Variants in PEMT observed in about 807,000 individuals in gnomAD.
The protein encoded by PEMT is phospholipid methyltransferase.
A neutral mutation model predicts 27.4 loss-of-function variants in PEMT; 23 were observed. That is an observed-to-expected ratio of 0.84 (90% CI 0.60 to 1.19). The LOEUF (loss-of-function observed/expected upper bound fraction) is 1.19, where lower values mean the gene tolerates loss of function less well. PEMT is among the 50% of genes most tolerant of loss of function. PEMT has a pLI of 0.00. For synonymous variants in PEMT, 137 were observed against 139.1 expected (o/e 0.98, Z 0.11); for missense variants, 307 against 310.1 (o/e 0.99, Z 0.07).
intron 2 of PEMT, among the ~76,000 whole-genome samples, chr17:17,527,829 G>A (rs917072002): frequency 2.0e-5 from 3 of 152,234 alleles, no homozygotes; most frequent in African/African-American, 4.8e-5. Context: ...TGGGCTCGCC[G>A]GCTGCCAGGC....
rs564840602 is a variant in PEMT, at chr17:17,556,499, G to A, written c.204+20421C>T. Among the ~76,000 whole-genome samples the A allele has an allele frequency of 4.0e-5, 6 of 151,872 alleles. No homozygotes were observed. In the East Asian group the frequency reaches 7.7e-4, roughly 20 times the overall value. ...AGAGGTTCCCCTGCCTCAGCCTCCC[G>A]AGTAGCTGGGATTACAGGCACGTGC... On this transcript the variant is annotated intron_variant, in intron 2 of 6. Transcript: ENST00000255389.
chr17:17,571,024 G>A (rs1484750470), intron 2 of PEMT: 1 of 451,040 alleles, frequency 2.2e-6, no homozygotes, highest in Non-Finnish European at 2.9e-6. Context: ...CCAAGGTCCT[G>A]AAGCCCTGAG....
chr17:17,549,619 AT>A (rs1288784785), intron 2 of PEMT, among the ~76,000 whole-genome samples: 1 of 152,196 alleles, frequency 6.6e-6, no homozygotes, highest in African/African-American at 2.4e-5. Context: ...CAACCGTGGC[AT>A]TTTTTACCTT....
intron 2 of PEMT, among the ~76,000 whole-genome samples, chr17:17,558,145 C>T (rs1337198984): frequency 2.6e-5 from 4 of 151,900 alleles, no homozygotes; most frequent in Non-Finnish European, 5.9e-5. Context: ...AGTTTGAGAC[C>T]AGCCTGGGCA....
rs771802059 is a variant in PEMT at position 17,509,485 on chromosome 17, TC to T, written c.526del (p.Asp176ThrfsTer27). ...TGTGCTTCCCCAGTACATGGGGTTG[TC>T]CAGGATGTTGAAGGGGAACACGGTC... is the stretch of plus-strand genomic sequence containing the variant. ...RVTVFPFNIL[D>X]NPMYWGSTAN... On this transcript the variant is annotated frameshift_variant, in exon 5 of 7. Transcript: ENST00000255389. LOFTEE classifies it high-confidence loss of function. 4 of 1,614,016 alleles carry T rather than the reference TC, an allele frequency of 2.5e-6. No individual in the cohort carries two copies. The highest frequency in any genetic ancestry group is 3.4e-6 in the Non-Finnish European group (4 of 1,179,900).
chr17:17,509,547 T>C lies in PEMT; in HGVS notation c.467-2A>G. On this transcript the variant is annotated splice_acceptor_variant, in intron 4 of 6. Coordinates refer to ENST00000255389, the MANE Select transcript of PEMT (RefSeq NM_148172.3). LOFTEE classifies it high-confidence loss of function. ...CCTTGAGGATCCCGAAGTAATCACC[T>C]GTGGATGAGGCAAGGCAGGGTCCCT... 6.2e-7 allele frequency: 1 copy of C among 1,601,754 alleles called. No homozygotes were observed. Among genetic ancestry groups the C allele is most frequent in the Non-Finnish European group, 8.6e-7 (1 of 1,168,760 alleles).
At chr17:17,581,330 C>T (rs1911965660) in intron 1 of PEMT, among the ~76,000 whole-genome samples, 2 of 152,186 alleles carry the variant, frequency 1.3e-5, no homozygotes, top group African/African-American at 4.8e-5. Flanking sequence ...TCTGGCCATA[C>T]TCTCAGCCAC....
intron 2 of PEMT, among the ~76,000 whole-genome samples, chr17:17,541,132 C>T (rs116028477): frequency 7.2e-5 from 11 of 152,318 alleles, no homozygotes; most frequent in African/African-American, 1.7e-4. Context: ...TTGTTGCTGA[C>T]GTTAGCAGAA....
chr17:17,581,830 G>A (rs1207456381), intron 1 of PEMT, among the ~76,000 whole-genome samples: 1 of 152,146 alleles, frequency 6.6e-6, no homozygotes, highest in African/African-American at 2.4e-5. Flanking sequence ...CTGCTTCGCT[G>A]GAAAGAATGA....
rs1907355151 is a variant in PEMT at position 17,522,529 on chromosome 17, C to A, written c.205-134G>T. The stretch of plus-strand genomic sequence containing the variant: ...CCAAAGAAGAAGAATTACACGGGAG[C>A]AACAACCACATGCACCCCAGCTGCA... On this transcript the variant is annotated intron_variant, in intron 2 of 6. Transcript: ENST00000255389. 6.1e-6 allele frequency: 4 copies of A among 652,558 alleles called. No individual in the cohort carries two copies. In the South Asian group the frequency reaches 7.2e-5, roughly 12 times the overall value. The allele number at this position is 652,558 out of a possible 1,614,324, so 40.4% of individuals were successfully genotyped here. A position where few individuals can be genotyped will look rare whatever the true frequency, so the allele number is the denominator to read the frequency against.
intron 2 of PEMT, among the ~76,000 whole-genome samples, chr17:17,567,825 G>C (rs1364482632): frequency 6.6e-6 from 1 of 152,244 alleles, no homozygotes; most frequent in Non-Finnish European, 1.5e-5. Context: ...TGTGCCACAG[G>C]CTCCGCCAGT....
At chr17:17,587,452 G>A (rs965819314) in intron 1 of PEMT, among the ~76,000 whole-genome samples, 4 of 152,058 alleles carry the variant, frequency 2.6e-5, no homozygotes, top group Non-Finnish European at 5.9e-5. Context: ...GAGCCCAGAT[G>A]GTTTCCTGGA....
chr17:17,526,503 A>T (rs1400007292), intron 2 of PEMT, among the ~76,000 whole-genome samples: 1 of 152,244 alleles, frequency 6.6e-6, no homozygotes, highest in Non-Finnish European at 1.5e-5. Context: ...AAAGGCTCCT[A>T]GCCCTGGCAT....
At chr17:17,590,159 T>A (rs1211153587) in intron 1 of PEMT, among the ~76,000 whole-genome samples, 2 of 152,100 alleles carry the variant, frequency 1.3e-5, no homozygotes, top group African/African-American at 4.8e-5. Context: ...CAGGTTCACC[T>A]GGTGAAAATG....
intron 2 of PEMT, among the ~76,000 whole-genome samples, chr17:17,563,164 C>G (rs1910606772): frequency 6.6e-6 from 1 of 152,014 alleles, no homozygotes; most frequent in Admixed American, 6.5e-5. Context: ...GCCTGAGGAG[C>G]CGGCAGACTA....
chr17:17,557,865 T>TC (rs1380844876), intron 2 of PEMT, among the ~76,000 whole-genome samples: 3 of 152,002 alleles, frequency 2.0e-5, no homozygotes, highest in Non-Finnish European at 4.4e-5. Flanking sequence ...GGCCTCACCC[T>TC]CCCCAGGGTT....
intron 1 of PEMT, among the ~76,000 whole-genome samples, chr17:17,587,808 G>C (rs145576234): frequency 6.6e-6 from 1 of 152,144 alleles, no homozygotes; most frequent in East Asian, 1.9e-4. Context: ...CTCGGGAGGC[G>C]GAGGTTGCAA....
At chr17:17,526,285 T>C (rs141142979) in intron 2 of PEMT, among the ~76,000 whole-genome samples, 1 of 150,988 alleles carries the variant, frequency 6.6e-6, no homozygotes, top group East Asian at 1.9e-4. Flanking sequence ...GCAAGTGGAG[T>C]GGGAGGAAAA....
At position 17,525,159 on chromosome 17, in the gene PEMT, A is replaced by T. The variant is rs574842127; in HGVS notation, c.205-2764T>A. On this transcript the variant is annotated intron_variant, in intron 2 of 6. Coordinates refer to ENST00000255389, the MANE Select transcript of PEMT (RefSeq NM_148172.3). ...CTTTCCTTCAAGGGTTCTCTCTGCC[A>T]TCCTCAGCCTCCCATACAGCCCCCC... Among the ~76,000 whole-genome samples, 38 of 152,286 alleles carry T rather than the reference A, an allele frequency of 2.5e-4. No individual in the cohort carries two copies. In the South Asian group the frequency reaches 5.2e-3, roughly 21 times the overall value.
Sources: allele counts gnomAD v4.1 joint callset (sites outside exome capture counted in the v4.1 genomes callset), GRCh38; gene constraint gnomAD v4.1.1; transcripts MANE v1.5; gene names NCBI Gene and HGNC (gene_info 2026-07-23, HGNC 2026-07-21).